The following STYX variants were observed in gnomAD, a reference collection of about 807,000 sequenced individuals.
STYX encodes serine/threonine/tyrosine interacting protein.
STYX carries 20 observed loss-of-function variants against 42.7 expected under a neutral mutation model. That is an observed-to-expected ratio of 0.47 (90% CI 0.33 to 0.68). The LOEUF is 0.68. Ranked by LOEUF, STYX falls within the 30% of genes least tolerant of loss-of-function variation. The probability of loss-of-function intolerance (pLI) is 0.02; values close to 1 mark genes in which losing one functional copy is unlikely to be tolerated. For synonymous variants in STYX, 78 were observed against 81.9 expected (o/e 0.95, Z 0.26); for missense variants, 226 against 268.5 (o/e 0.84, Z 1.11).
chr14:52,763,564 G>A (rs1305094598), intron 9 of STYX, among the ~76,000 whole-genome samples: 1 of 152,044 alleles, frequency 6.6e-6, no homozygotes. Flanking sequence ...GATATTCTGT[G>A]ATTTCAGTTT....
rs771439485 is a variant in STYX at position 52,771,026 on chromosome 14, CTT to C, written c.599-4_599-3del. On this transcript the variant is annotated splice_polypyrimidine_tract_variant and splice_region_variant and intron_variant, in intron 10 of 10. Transcript: ENST00000354586. ...TGCCCTTTTAATCTTCATGCAATAA[CTT>C]TTAGGCAGTTTGAAGAGAACACATG... is the stretch of plus-strand genomic sequence containing the variant. 3 of 1,611,900 alleles carry C rather than the reference CTT, an allele frequency of 1.9e-6. No homozygotes were observed. The Admixed American group carries it at 5.0e-5, about 27-fold the overall frequency.
At chr14:52,731,618 AG>A (rs1269921162) in intron 1 of STYX, 2 of 151,514 alleles carry the variant, frequency 1.3e-5, no homozygotes, top group African/African-American at 4.9e-5. Context: ...TTGTGTTTTT[AG>A]GGGAGACGGG....
At chr14:52,738,539 C>G (rs1566669116) in intron 1 of STYX, among the ~76,000 whole-genome samples, 1 of 151,876 alleles carries the variant, frequency 6.6e-6, no homozygotes, top group Admixed American at 6.6e-5. Flanking sequence ...ACTGTTTCTC[C>G]CTAAAGAATT....
chr14:52,730,859 T>G (rs556969716), intron 1 of STYX, among the ~76,000 whole-genome samples: 1 of 152,312 alleles, frequency 6.6e-6, no homozygotes, highest in East Asian at 1.9e-4. Context: ...GTTGGTTTAG[T>G]CTCCTTTTGA....
chr14:52,745,190 G>A (rs573978452), intron 2 of STYX, among the ~76,000 whole-genome samples: 1 of 149,980 alleles, frequency 6.7e-6, no homozygotes, highest in South Asian at 2.1e-4. Flanking sequence ...GCACGATCTC[G>A]GCTCACCGCA....
At chr14:52,765,036 T>C (rs1186853124) in intron 9 of STYX, among the ~76,000 whole-genome samples, 1 of 152,202 alleles carries the variant, frequency 6.6e-6, no homozygotes, top group Non-Finnish European at 1.5e-5. Flanking sequence ...ATTAAACTCT[T>C]GGACTTTATT....
chr14:52,770,323 CTGTAGGGCATAAGTTTAAGGT>C (rs1393057541), intron 10 of STYX, among the ~76,000 whole-genome samples: 1 of 152,008 alleles, frequency 6.6e-6, no homozygotes, highest in African/African-American at 2.4e-5. Context: ...TATAACAGTC[CTGTAGGGCATAAGTTTAAGGT>C]CATGCCATTG....
intron 1 of STYX, among the ~76,000 whole-genome samples, chr14:52,731,939 G>C (rs1880721408): frequency 1.5e-5 from 2 of 131,680 alleles, no homozygotes; most frequent in African/African-American, 6.1e-5. Flanking sequence ...ACCATGCCGG[G>C]CTAATTTTTC....
At chr14:52,742,922 A>G (rs1031970360) in intron 1 of STYX, among the ~76,000 whole-genome samples, 1 of 151,504 alleles carries the variant, frequency 6.6e-6, no homozygotes, top group Non-Finnish European at 1.5e-5. Context: ...CAGCCTCCCA[A>G]GTAGCTGGGA....
At chr14:52,742,673 AT>A (rs1255166635) in intron 1 of STYX, among the ~76,000 whole-genome samples, 3 of 152,224 alleles carry the variant, frequency 2.0e-5, no homozygotes, top group African/African-American at 7.2e-5. Context: ...TAAAGCAGAA[AT>A]GAAACAAAAA....
chr14:52,764,081 C>G (rs563463161), intron 9 of STYX, among the ~76,000 whole-genome samples: 2 of 152,090 alleles, frequency 1.3e-5, no homozygotes, highest in Non-Finnish European at 2.9e-5. Flanking sequence ...CAACCTCTGC[C>G]TCCTGGGTTC....
intron 1 of STYX, among the ~76,000 whole-genome samples, chr14:52,742,884 C>T (rs1881248091): frequency 6.6e-6 from 1 of 151,530 alleles, no homozygotes; most frequent in Non-Finnish European, 1.5e-5. Flanking sequence ...GCAACCTCCG[C>T]TTCCAGGTTC....
chr14:52,736,377 T>C (rs1377883450), intron 1 of STYX, among the ~76,000 whole-genome samples: 2 of 152,252 alleles, frequency 1.3e-5, no homozygotes, highest in East Asian at 3.8e-4. Context: ...CTATTTTCCA[T>C]TTAGACTGAA....
chr14:52,737,901 G>A (rs539473559), intron 1 of STYX, among the ~76,000 whole-genome samples: 4 of 152,106 alleles, frequency 2.6e-5, no homozygotes, highest in East Asian at 3.9e-4. Context: ...TCAGCCTCCC[G>A]AGTAGCTGGG....
At chr14:52,740,468 AT>A (rs1456487445) in intron 1 of STYX, among the ~76,000 whole-genome samples, 1 of 152,242 alleles carries the variant, frequency 6.6e-6, no homozygotes, top group East Asian at 1.9e-4. Context: ...TGTATAGTAT[AT>A]TGATTCAGAG....
chr14:52,749,340 T>A (rs1940611553), intron 3 of STYX, among the ~76,000 whole-genome samples: 1 of 152,184 alleles, frequency 6.6e-6, no homozygotes, highest in Non-Finnish European at 1.5e-5. Context: ...ATGCAAACAT[T>A]TAGTTCATAA....
At chr14:52,739,696 C>T (rs906592738) in intron 1 of STYX, among the ~76,000 whole-genome samples, 3 of 124,828 alleles carry the variant, frequency 2.4e-5, no homozygotes, top group Non-Finnish European at 4.7e-5. Context: ...GGCTGGAGTG[C>T]AATGGCACCA....
intron 10 of STYX, among the ~76,000 whole-genome samples, chr14:52,770,127 T>C (rs1882455545): frequency 6.6e-6 from 1 of 152,110 alleles, no homozygotes; most frequent in Non-Finnish European, 1.5e-5. Context: ...CCTAGTCATT[T>C]GGAGTTCCCA....
chr14:52,747,723 A>G (rs1028742032), intron 3 of STYX, among the ~76,000 whole-genome samples: 3 of 152,300 alleles, frequency 2.0e-5, no homozygotes, highest in Admixed American at 1.3e-4. Context: ...AAATTAAAGT[A>G]TTTGTTTAAA....
Sources: gnomAD v4.1 joint callset for allele counts (sites outside exome capture counted in the v4.1 genomes callset) on GRCh38, gnomAD v4.1.1 for gene constraint, MANE v1.5 for transcripts, NCBI Gene and HGNC (gene_info 2026-07-23, HGNC 2026-07-21) for gene names.